The following SUGCT variants were observed in gnomAD, a reference collection of about 807,000 sequenced individuals.
The protein encoded by SUGCT is succinyl-CoA:glutarate CoA-transferase.
SUGCT carries 41 observed loss-of-function variants against 55.0 expected under a neutral mutation model. The observed-to-expected ratio is 0.74, with a 90% CI of 0.58 to 0.97. SUGCT has a LOEUF of 0.97. Ranked by LOEUF, SUGCT falls within the 50% of genes least tolerant of loss-of-function variation. The probability of loss-of-function intolerance (pLI) is 0.00; values close to 1 mark genes in which losing one functional copy is unlikely to be tolerated. For synonymous variants in SUGCT, 187 were observed against 200.4 expected (o/e 0.93, Z 0.56); for missense variants, 568 against 547.8 (o/e 1.04, Z -0.37).
At chr7:40,249,349 T>TATATTATACAGAA (rs1186054576) in intron 7 of SUGCT, among the ~76,000 whole-genome samples, 13 of 75,816 alleles carry the variant, frequency 1.7e-4, no homozygotes, top group African/African-American at 5.5e-4. Context: ...ATATATATAA[T>TATATTATACAGAA]TATATTATAT....
chr7:40,469,109 T>G (rs79607267), intron 11 of SUGCT, among the ~76,000 whole-genome samples: 132 of 152,332 alleles, frequency 8.7e-4, no homozygotes, highest in Non-Finnish European at 1.6e-3. Context: ...TTTCACCCTC[T>G]GAAACTTTTT....
chr7:40,626,238 T>G (rs1799520303), intron 12 of SUGCT, among the ~76,000 whole-genome samples: 1 of 152,034 alleles, frequency 6.6e-6, no homozygotes, highest in Non-Finnish European at 1.5e-5. Context: ...AAAGAGACTT[T>G]CTTTCTTTTT....
the SUGCT span, among the ~76,000 whole-genome samples, chr7:40,964,139 C>G: frequency 6.6e-6 from 1 of 152,218 alleles, no homozygotes; most frequent in Non-Finnish European, 1.5e-5. Flanking sequence ...AAGGACTTCT[C>G]TATTCATTTT....
At chr7:40,406,630 A>G (rs67649494) in intron 9 of SUGCT, among the ~76,000 whole-genome samples, 2,437 of 152,316 alleles carry the variant, frequency 0.016, 38 homozygotes, top group South Asian at 0.043. Flanking sequence ...AAATTGATTT[A>G]TTTAGGTTAA....
At chr7:40,661,075 A>G (rs1418588231) in intron 12 of SUGCT, among the ~76,000 whole-genome samples, 2 of 152,316 alleles carry the variant, frequency 1.3e-5, no homozygotes, top group African/African-American at 2.4e-5. Context: ...TTTACAACCA[A>G]AAGTGTGAAA....
At position 40,155,284 on chromosome 7, in the gene SUGCT, C is replaced by CAA. The variant is rs35923575; in HGVS notation, c.100+20177_100+20178dup. Among the ~76,000 whole-genome samples the CAA allele has an allele frequency of 2.7e-3, 266 of 100,290 alleles. 2 individuals carry two copies. Among genetic ancestry groups the CAA allele is most frequent in the African/African-American group, 8.5e-3 (256 of 30,108 alleles). 65.8% of individuals were successfully genotyped at this position (100,290 alleles called of 152,430 possible). A position where few individuals can be genotyped will look rare whatever the true frequency, so the allele number is the denominator to read the frequency against. On this transcript the variant is annotated intron_variant, in intron 1 of 13. Transcript: ENST00000335693. ...TGGGCAACAGGGCGAGACCCCATCT[C>CAA]AAAAAAAAAAAAAATAGCAGACACA... is the stretch of plus-strand genomic sequence containing the variant.
the SUGCT span, among the ~76,000 whole-genome samples, chr7:41,009,573 C>A: frequency 6.6e-6 from 1 of 151,882 alleles, no homozygotes; most frequent in African/African-American, 2.4e-5. Flanking sequence ...TTCCTTCCAT[C>A]CACCATCCAT....
chr7:40,755,202 G>A (rs1788194980), intron 13 of SUGCT, among the ~76,000 whole-genome samples: 1 of 152,200 alleles, frequency 6.6e-6, no homozygotes, highest in South Asian at 2.1e-4. Flanking sequence ...CCTACTGTCT[G>A]AGGAGTGAAG....
intron 9 of SUGCT, among the ~76,000 whole-genome samples, chr7:40,328,688 T>C (rs1190311556): frequency 6.6e-6 from 1 of 152,134 alleles, no homozygotes; most frequent in Non-Finnish European, 1.5e-5. Flanking sequence ...AAGGACTTTA[T>C]TGAACAAGAA....
intron 13 of SUGCT, among the ~76,000 whole-genome samples, chr7:40,823,842 A>C (rs1186290894): frequency 6.6e-6 from 1 of 152,188 alleles, no homozygotes; most frequent in African/African-American, 2.4e-5. Flanking sequence ...CATCACTCCT[A>C]GTCCCACGAA....
At chr7:40,593,116 G>A (rs1428311628) in intron 12 of SUGCT, among the ~76,000 whole-genome samples, 4 of 152,254 alleles carry the variant, frequency 2.6e-5, no homozygotes, top group African/African-American at 9.6e-5. Context: ...GGCCAGGTAA[G>A]AAGGTGAAGG....
At chr7:40,224,330 G>T (rs1584387498) in intron 6 of SUGCT, among the ~76,000 whole-genome samples, 1 of 152,058 alleles carries the variant, frequency 6.6e-6, no homozygotes, top group East Asian at 1.9e-4. Context: ...CATTTAGTCT[G>T]TGTGGTTTAT....
At chr7:40,575,923 GAC>G (rs1430425239) in intron 12 of SUGCT, among the ~76,000 whole-genome samples, 1 of 144,534 alleles carries the variant, frequency 6.9e-6, no homozygotes, top group Non-Finnish European at 1.5e-5. Context: ...CAGCCTGAGT[GAC>G]AGAGTGAGAC....
intron 7 of SUGCT, among the ~76,000 whole-genome samples, chr7:40,238,038 C>G (rs1003583630): frequency 6.6e-6 from 1 of 152,268 alleles, no homozygotes; most frequent in East Asian, 1.9e-4. Context: ...TTATGTTATT[C>G]AAGCTTAATA....
the SUGCT span, among the ~76,000 whole-genome samples, chr7:40,951,287 T>C: frequency 1.3e-5 from 2 of 152,230 alleles, no homozygotes; most frequent in Non-Finnish European, 2.9e-5. Flanking sequence ...TTTGTATTTC[T>C]GTAGGATCGG....
chr7:40,274,384 C>G, intron 7 of SUGCT, 129 bp from the exon 8 acceptor site: 1 of 875,588 alleles, frequency 1.1e-6, no homozygotes, highest in Non-Finnish European at 1.7e-6. Context: ...TATTAACTTT[C>G]TTGTGTGTAT....
chr7:40,875,392 A>C, the SUGCT span, among the ~76,000 whole-genome samples: 8 of 152,238 alleles, frequency 5.3e-5, no homozygotes, highest in Admixed American at 5.2e-4. Context: ...GTGGCAGAAC[A>C]AAAGAGTGTA....
chr7:40,792,545 C>T (rs17688247), intron 13 of SUGCT, among the ~76,000 whole-genome samples: 17,490 of 152,140 alleles, frequency 0.11, 1,321 homozygotes, highest in South Asian at 0.23. Context: ...AGAAAATATG[C>T]TGATGAAATA....
intron 12 of SUGCT, among the ~76,000 whole-genome samples, chr7:40,614,279 C>T (rs557762344): frequency 1.9e-4 from 29 of 152,168 alleles, no homozygotes; most frequent in Admixed American, 6.5e-4. Flanking sequence ...CTGTATAAAG[C>T]AAGTCAGAGG....
Sources: gnomAD v4.1 joint callset for allele counts (sites outside exome capture counted in the v4.1 genomes callset) on GRCh38, gnomAD v4.1.1 for gene constraint, MANE v1.5 for transcripts, NCBI Gene and HGNC (gene_info 2026-07-23, HGNC 2026-07-21) for gene names.